HERC2: variants seen among roughly 807,000 people sequenced by gnomAD.
The protein encoded by HERC2 is E3 ubiquitin-protein ligase HERC2.
Under a neutral mutation model 537.7 loss-of-function variants are expected in HERC2, and 102 were observed. The ratio of observed to expected loss-of-function variants is 0.19; its 90% CI spans 0.16 to 0.22. HERC2 has a LOEUF of 0.22. Among genes scored for constraint, HERC2 ranks in the 10% least tolerant of loss-of-function variants. HERC2 has a pLI of 1.00. For synonymous variants in HERC2, 2,224 were observed against 2,466.2 expected, an observed-to-expected ratio of 0.90 and a Z score of 2.91; for missense variants, 4,236 against 6,198.2, an observed-to-expected ratio of 0.68 and a Z score of 10.63.
intron 89 of HERC2, 118 bp from the exon 90 acceptor site, chr15:28,114,920 G>A (rs751516892): frequency 2.0e-5 from 15 of 762,514 alleles, no homozygotes; most frequent in Admixed American, 1.2e-4. Flanking sequence ...AGTGCATCTC[G>A]AGGCTGCAAG....
chr15:28,207,088 T>G (rs1356424520), intron 44 of HERC2, among the ~76,000 whole-genome samples: 1 of 151,872 alleles, frequency 6.6e-6, no homozygotes, highest in East Asian at 1.9e-4. Context: ...AGTGCATCTG[T>G]CTCTTAGAGC....
chr15:28,144,893 G>A (rs750580134), intron 71 of HERC2, 89 bp from the exon 72 acceptor site: 105 of 1,554,956 alleles, frequency 6.8e-5, no homozygotes, highest in Non-Finnish European at 8.3e-5. Flanking sequence ...AATGATTTCC[G>A]TCACGTGTGA....
At chr15:28,124,870 G>A (rs1268779693) in intron 84 of HERC2, 136 bp downstream of exon 84, 4 of 905,652 alleles carry the variant, frequency 4.4e-6, no homozygotes, top group Non-Finnish European at 6.5e-6. Flanking sequence ...GTTCTTAAAT[G>A]CACTGTGTGG....
chr15:28,301,584 G>T (rs1238886665), intron 2 of HERC2, among the ~76,000 whole-genome samples: 1 of 148,596 alleles, frequency 6.7e-6, no homozygotes, highest in Non-Finnish European at 1.5e-5. Context: ...GACACTGGGG[G>T]AAGGCATCCA....
chr15:28,257,042 G>A lies in HERC2; in HGVS notation c.2517+19C>T, dbSNP rs752355192. The A allele has an allele frequency of 6.2e-7, 1 of 1,601,510 alleles. No individual in the cohort carries two copies. The highest frequency in any genetic ancestry group is 2.2e-5 in the East Asian group (1 of 44,772). ...AAGACACTTACAAAAGGAGGAAGAAGAAGGGAAATCATGAATACCTGAAGT... is the reference window on the plus strand; with the variant it reads ...AAGACACTTACAAAAGGAGGAAGAAAAAGGGAAATCATGAATACCTGAAGT... On this transcript the variant is annotated intron_variant, in intron 17 of 92. Transcript: ENST00000261609.
At chr15:28,309,033 T>C (rs1306032230) in intron 2 of HERC2, among the ~76,000 whole-genome samples, 1 of 152,234 alleles carries the variant, frequency 6.6e-6, no homozygotes, top group Non-Finnish European at 1.5e-5. Context: ...TGTCTGCTTT[T>C]AGTATCAAGG....
intron 68 of HERC2, among the ~76,000 whole-genome samples, chr15:28,164,159 C>G (rs550773422): frequency 6.6e-6 from 1 of 152,222 alleles, no homozygotes; most frequent in Admixed American, 6.5e-5. Context: ...CAGGCAGAGT[C>G]TGGCTCCCCA....
At chr15:28,167,411 GGAT>G (rs1442126593) in intron 68 of HERC2, among the ~76,000 whole-genome samples, 1 of 152,140 alleles carries the variant, frequency 6.6e-6, no homozygotes, top group Non-Finnish European at 1.5e-5. Context: ...GATACTATTG[GGAT>G]GATGAGCAAA....
At chr15:28,278,683 C>T (rs1190891130) in intron 5 of HERC2, among the ~76,000 whole-genome samples, 1 of 152,188 alleles carries the variant, frequency 6.6e-6, no homozygotes, top group Non-Finnish European at 1.5e-5. Context: ...ACAAGTACCG[C>T]TCCTGTCTCT....
At chr15:28,183,586 T>TA (rs1896026226) in intron 56 of HERC2, among the ~76,000 whole-genome samples, 1 of 152,202 alleles carries the variant, frequency 6.6e-6, no homozygotes, top group South Asian at 2.1e-4. Context: ...AGGACAGTGT[T>TA]AGATTTTCTT....
At chr15:28,254,318 C>A in intron 20 of HERC2, 22 bp downstream of exon 20, 1 of 1,515,556 alleles carries the variant, frequency 6.6e-7, no homozygotes, top group African/African-American at 1.4e-5. Flanking sequence ...ACATATAATA[C>A]AATACAGCTA....
Position 28,272,316 on chromosome 15 carries a change from G to A in HERC2, c.982C>T (p.Arg328Cys), listed in dbSNP as rs1334175429. 1.9e-6 allele frequency: 3 copies of A among 1,611,938 alleles called. No individual in the cohort carries two copies. Among genetic ancestry groups the A allele is most frequent in the East Asian group, 2.2e-5 (1 of 44,840 alleles). ...DSGAQETDNE[R>C]SAQGTSAPLL... is the part of the protein sequence containing the mutation. ...GGGGCGCTGGTGCCCTGGGCGGAAC[G>A]CTCATTGTCAGTCTCCTGTGCCCCG... Residue 328 changes from arginine to cysteine, a missense_variant, in exon 9 of 93, where the codon CGT becomes TGT. Arg to Cys is a radical substitution (Grantham distance 180). Around this residue, in one of 27 missense-constraint regions of HERC2, gnomAD observed 491 missense variants for 559.3 expected, o/e 0.88. Coordinates refer to ENST00000261609, the MANE Select transcript of HERC2 (RefSeq NM_004667.6).
intron 69 of HERC2, among the ~76,000 whole-genome samples, chr15:28,153,126 A>G (rs941884662): frequency 2.6e-5 from 4 of 152,166 alleles, no homozygotes; most frequent in African/African-American, 7.2e-5. Context: ...GGCCGAGGCA[A>G]GCGGATCACC....
chr15:28,161,297 C>T (rs1203097498), intron 69 of HERC2, among the ~76,000 whole-genome samples: 2 of 151,984 alleles, frequency 1.3e-5, no homozygotes, highest in Admixed American at 6.6e-5. Flanking sequence ...TCAGAAGTTC[C>T]TTTAAAGAGA....
In HERC2 at chr15:28,211,079, G is replaced by A. The variant is rs759497952; in HGVS notation, c.6992C>T (p.Ala2331Val). Residue 2331 changes from alanine (A) to valine (V), a missense_variant, in exon 44 of 93, where the codon GCG becomes GTG. Physicochemically the swap from Ala to Val is moderately conservative, Grantham distance 64. Coordinates refer to ENST00000261609, the MANE Select transcript of HERC2 (RefSeq NM_004667.6). ...CAGTTTATCCTGGTGGGAGAGCAGCGCCCGACCTGCTTTCAGGATGTATAG... is the reference window on the plus strand; with the variant it reads ...CAGTTTATCCTGGTGGGAGAGCAGCACCCGACCTGCTTTCAGGATGTATAG... ...LKLYILKAGR[A>V]LLSHQDKLRQ... The A allele has an allele frequency of 1.2e-5, 19 of 1,611,740 alleles. No individual in the cohort carries two copies. The highest frequency in any genetic ancestry group is 8.8e-5 in the South Asian group (8 of 90,968).
At chr15:28,156,525 T>C (rs1224160206) in intron 69 of HERC2, among the ~76,000 whole-genome samples, 1 of 152,236 alleles carries the variant, frequency 6.6e-6, no homozygotes, top group African/African-American at 2.4e-5. Context: ...CAATTGTGAA[T>C]GGGATTTCAC....
intron 34 of HERC2, among the ~76,000 whole-genome samples, chr15:28,228,686 T>C (rs571540592): frequency 4.5e-4 from 68 of 152,350 alleles, no homozygotes; most frequent in Non-Finnish European, 1.3e-4. Context: ...CATCTAACTA[T>C]TTTCCAGGGG....
chr15:28,254,480 T>C lies in HERC2; in HGVS notation c.2910A>G (p.Glu970=). The C allele has an allele frequency of 1.3e-6, 2 of 1,599,654 alleles. No individual in the cohort carries two copies. The highest frequency in any genetic ancestry group is 1.7e-6 in the Non-Finnish European group (2 of 1,175,976). Residue 970 remains glutamate (E), a synonymous_variant, in exon 20 of 93, where the codon GAA becomes GAG. Coordinates refer to ENST00000261609, the MANE Select transcript of HERC2 (RefSeq NM_004667.6). ...AGGCATTCGCTTCCTGTTCATCAAT[T>C]TCTTTTTCCTTCTGTGCTTCTTTTT... is the stretch of plus-strand genomic sequence containing the variant. ...EAKKEAQKEK[E]IDEQEANAST... is the part of the protein sequence containing the mutation.
chr15:28,250,562 G>C (rs2075042185), intron 20 of HERC2, among the ~76,000 whole-genome samples: 1 of 152,174 alleles, frequency 6.6e-6, no homozygotes, highest in African/African-American at 2.4e-5. Flanking sequence ...AATGTAAATG[G>C]TATTCTGTGG....
Sources: allele counts gnomAD v4.1 joint callset (sites outside exome capture counted in the v4.1 genomes callset), GRCh38; gene constraint gnomAD v4.1.1; regional missense constraint gnomAD v4.1.1; transcripts MANE v1.5; gene names NCBI Gene and HGNC (gene_info 2026-07-23, HGNC 2026-07-21).